The following JPH2 variants were observed in gnomAD, a reference collection of about 807,000 sequenced individuals.
JPH2 encodes the protein junctophilin-2.
A neutral mutation model predicts 55.9 loss-of-function variants in JPH2; 38 were observed. The ratio of observed to expected loss-of-function variants is 0.68; its 90% confidence interval spans 0.52 to 0.89. JPH2 has a LOEUF of 0.89. Among genes scored for constraint, JPH2 ranks in the 40% least tolerant of loss-of-function variants. JPH2 has a pLI of 0.00. For missense variants in JPH2, 964 were observed against 1,037.6 expected (o/e 0.93, Z 0.97); for synonymous variants, 480 against 472.4 (o/e 1.02, Z -0.21).
chr20:44,138,799 G>A (rs149198599), intron 2 of JPH2, among the ~76,000 whole-genome samples: 169 of 152,000 alleles, frequency 1.1e-3, no homozygotes, highest in African/African-American at 3.7e-3. Flanking sequence ...TACTAGATTT[G>A]TATTTATGGT....
chr20:44,131,576 T>C (rs1372846829), intron 2 of JPH2, among the ~76,000 whole-genome samples: 2 of 152,188 alleles, frequency 1.3e-5, no homozygotes, highest in Non-Finnish European at 2.9e-5. Flanking sequence ...AATGAGTTAA[T>C]GGCCACAAAG....
chr20:44,177,541 T>A (rs2072744645), intron 1 of JPH2: 1 of 1,133,146 alleles, frequency 8.8e-7, no homozygotes, highest in Admixed American at 4.2e-5. Context: ...TGTGCTCTCC[T>A]GGGGTCTCCA....
chr20:44,182,422 C>G (rs2072792351), intron 1 of JPH2, among the ~76,000 whole-genome samples: 1 of 152,314 alleles, frequency 6.6e-6, no homozygotes, highest in South Asian at 2.1e-4. Flanking sequence ...GTCTGGGGCT[C>G]TGACAAACCA....
At chr20:44,175,088 T>G (rs1476008756) in intron 1 of JPH2, among the ~76,000 whole-genome samples, 1 of 152,152 alleles carries the variant, frequency 6.6e-6, no homozygotes, top group African/African-American at 2.4e-5. Flanking sequence ...AGAAAACACC[T>G]TTGTCCGGTC....
intron 2 of JPH2, among the ~76,000 whole-genome samples, chr20:44,125,067 C>G (rs2072266122): frequency 6.6e-6 from 1 of 150,798 alleles, no homozygotes; most frequent in African/African-American, 2.4e-5. Context: ...AAGATTGCAC[C>G]ACTGTACTCC....
rs569384031 is a variant in JPH2 at position 44,151,855 on chromosome 20, C to T, written c.1169+7763G>A. 1.1e-4 allele frequency among the ~76,000 whole-genome samples: 17 copies of T among 152,338 alleles called. 1 individual carries two copies. The South Asian group carries it at 2.5e-3, about 22-fold the overall frequency. On this transcript the variant is annotated intron_variant, in intron 2 of 5. Coordinates refer to ENST00000372980, the MANE Select transcript of JPH2 (RefSeq NM_020433.5). ...GACTCATTGCTCCCAAAATACATCACGCACATTCCTACCTTCATGTCTTTG... is the reference window on the plus strand; with the variant it reads ...GACTCATTGCTCCCAAAATACATCATGCACATTCCTACCTTCATGTCTTTG...
chr20:44,138,680 G>A (rs1339295797), intron 2 of JPH2, among the ~76,000 whole-genome samples: 1 of 152,070 alleles, frequency 6.6e-6, no homozygotes, highest in Non-Finnish European at 1.5e-5. Flanking sequence ...CACTGCACCT[G>A]GCCAAGATTT....
At chr20:44,182,494 C>A (rs1394195024) in intron 1 of JPH2, among the ~76,000 whole-genome samples, 1 of 152,170 alleles carries the variant, frequency 6.6e-6, no homozygotes. Context: ...GGATAAAACC[C>A]AGGACCTGCA....
chr20:44,155,344 C>T (rs1446307540), intron 2 of JPH2, among the ~76,000 whole-genome samples: 1 of 152,184 alleles, frequency 6.6e-6, no homozygotes, highest in African/African-American at 2.4e-5. Context: ...TAAGCTCCTT[C>T]CTGCTGTGCT....
chr20:44,180,339 T>C (rs558782928), intron 1 of JPH2, among the ~76,000 whole-genome samples: 1 of 150,452 alleles, frequency 6.6e-6, no homozygotes, highest in African/African-American at 2.5e-5. Context: ...ATATTTATTT[T>C]ATTTTTTTTT....
At chr20:44,130,777 G>T (rs1600837947) in intron 2 of JPH2, among the ~76,000 whole-genome samples, 2 of 152,208 alleles carry the variant, frequency 1.3e-5, no homozygotes, top group Non-Finnish European at 2.9e-5. Flanking sequence ...AGCTATTTTA[G>T]CTTTTGAGCC....
intron 2 of JPH2, among the ~76,000 whole-genome samples, chr20:44,129,016 C>T (rs1426950814): frequency 6.6e-6 from 1 of 152,162 alleles, no homozygotes; most frequent in African/African-American, 2.4e-5. Context: ...CAGCAGAAAG[C>T]ACTGGGAACA....
chr20:44,114,168 C>T (rs774667178), intron 5 of JPH2, among the ~76,000 whole-genome samples: 1 of 152,136 alleles, frequency 6.6e-6, no homozygotes, highest in Non-Finnish European at 1.5e-5. Context: ...CTCCACTTCA[C>T]GGGAACTTAC....
chr20:44,173,066 A>G (rs1434394540), intron 1 of JPH2, among the ~76,000 whole-genome samples: 1 of 152,244 alleles, frequency 6.6e-6, no homozygotes, highest in African/African-American at 2.4e-5. Flanking sequence ...GACATAGACC[A>G]AACTAACTAT....
In JPH2 at chr20:44,187,095, G is replaced by A. The variant is rs116078090; in HGVS notation, c.-390C>T. 7.7e-4 allele frequency: 151 copies of A among 196,374 alleles called. No individual in the cohort carries two copies. The highest frequency in any genetic ancestry group is 3.4e-3 in the African/African-American group (146 of 42,882). The allele number at this position is 196,374 out of a possible 1,614,324, so 12.2% of individuals were successfully genotyped here. On this transcript the variant is annotated 5_prime_UTR_variant, in exon 1 of 6. Coordinates refer to ENST00000372980, the MANE Select transcript of JPH2 (RefSeq NM_020433.5). ...GAGGGGTCCCCAGCCTTTTCAAAGA[G>A]GGGAAATTCCCCTCGGTGGCAGCCC... is the stretch of plus-strand genomic sequence containing the variant.
At chr20:44,167,452 GGC>G (rs1555859543) in intron 1 of JPH2, among the ~76,000 whole-genome samples, 1 of 152,018 alleles carries the variant, frequency 6.6e-6, no homozygotes, top group Non-Finnish European at 1.5e-5. Context: ...CTCATGACTC[GGC>G]ATGCAGTAGG....
intron 2 of JPH2, among the ~76,000 whole-genome samples, chr20:44,139,302 C>T (rs1418517015): frequency 6.6e-6 from 1 of 152,136 alleles, no homozygotes; most frequent in Non-Finnish European, 1.5e-5. Flanking sequence ...GGACAGCCAC[C>T]ACAGAGAGCC....
At chr20:44,142,762 A>C (rs2072466869) in intron 2 of JPH2, among the ~76,000 whole-genome samples, 1 of 152,204 alleles carries the variant, frequency 6.6e-6, no homozygotes, top group Admixed American at 6.5e-5. Context: ...AGAGCCTAAA[A>C]CTTTACCTGG....
chr20:44,121,588 C>A (rs1349363706), intron 2 of JPH2, among the ~76,000 whole-genome samples: 4 of 109,256 alleles, frequency 3.7e-5, no homozygotes, highest in Non-Finnish European at 7.3e-5. Flanking sequence ...TTAGTATATG[C>A]CAAGGGCTTT....
Sources: allele counts gnomAD v4.1 joint callset (sites outside exome capture counted in the v4.1 genomes callset), GRCh38; gene constraint gnomAD v4.1.1; transcripts MANE v1.5; gene names NCBI Gene and HGNC (gene_info 2026-07-23, HGNC 2026-07-21).